The following TRPM3 variants were observed in gnomAD, a reference collection of about 807,000 sequenced individuals.
TRPM3 encodes the protein long transient receptor potential channel 3.
TRPM3 carries 77 observed loss-of-function variants against 181.2 expected under a neutral mutation model. That is an observed-to-expected ratio of 0.42 (90% CI 0.35 to 0.51). The LOEUF (loss-of-function observed/expected upper bound fraction) is 0.51, where lower values mean the gene tolerates loss of function less well. TRPM3 is among the 20% of genes least tolerant of loss of function. The pLI is 0.01. For missense variants in TRPM3, 1,759 were observed against 2,196.7 expected (o/e 0.80, Z 3.98); for synonymous variants, 745 against 796.4 (o/e 0.94, Z 1.09).
At chr9:71,136,647 C>G (rs2074783776) in intron 1 of TRPM3, among the ~76,000 whole-genome samples, 1 of 152,132 alleles carries the variant, frequency 6.6e-6, no homozygotes, top group African/African-American at 2.4e-5. Flanking sequence ...AGGTGTGTTT[C>G]TTAATCCCGG....
chr9:71,386,890 T>C (rs2092936210), intron 1 of TRPM3, among the ~76,000 whole-genome samples: 1 of 152,164 alleles, frequency 6.6e-6, no homozygotes, highest in Non-Finnish European at 1.5e-5. Context: ...CTGACAGACA[T>C]ATACACAATA....
At chr9:70,792,820 T>C (rs1277746770) in intron 6 of TRPM3, among the ~76,000 whole-genome samples, 1 of 152,158 alleles carries the variant, frequency 6.6e-6, no homozygotes, top group Non-Finnish European at 1.5e-5. Context: ...AATATTAATA[T>C]TTTAGACATT....
chr9:71,312,543 C>T (rs1193175153), intron 1 of TRPM3, among the ~76,000 whole-genome samples: 1 of 152,060 alleles, frequency 6.6e-6, no homozygotes, highest in Non-Finnish European at 1.5e-5. Context: ...GCAATTGTAC[C>T]CCTACACATT....
chr9:70,601,176 G>A (rs981810287), intron 20 of TRPM3, among the ~76,000 whole-genome samples: 2 of 152,156 alleles, frequency 1.3e-5, no homozygotes, highest in African/African-American at 4.8e-5. Flanking sequence ...CTGTGCAGTG[G>A]GACGTCATCA....
chr9:71,231,073 A>G (rs1040910303), intron 1 of TRPM3, among the ~76,000 whole-genome samples: 143 of 152,322 alleles, frequency 9.4e-4, no homozygotes, highest in African/African-American at 3.2e-3. Context: ...TTGACATACA[A>G]TATACACACA....
chr9:70,972,280 A>AAAACATTATGCTAAGTG (rs2097255456), intron 1 of TRPM3, among the ~76,000 whole-genome samples: 1 of 152,210 alleles, frequency 6.6e-6, no homozygotes, highest in Non-Finnish European at 1.5e-5. Context: ...ATGAGCCTTG[A>AAAACATTATGCTAAGTG]AAACATTATG....
Position 71,203,105 on chromosome 9 carries a change from A to G in TRPM3, c.183+243548T>C, listed in dbSNP as rs34565347. On this transcript the variant is annotated intron_variant, in intron 1 of 24. Transcript: ENST00000357533. ...TAGAAGTGTTTGGTTTGGCCAGCAT[A>G]CATTTGTAGCTGGTTCTGCTTTTCT... Among the ~76,000 whole-genome samples, 1,518 of 152,298 alleles carry G rather than the reference A, an allele frequency of 1.0e-2. 3 individuals are homozygous for G. The highest frequency in any genetic ancestry group is 0.016 in the South Asian group (79 of 4,824).
At chr9:70,986,426 A>T (rs932137451) in intron 1 of TRPM3, among the ~76,000 whole-genome samples, 3 of 152,202 alleles carry the variant, frequency 2.0e-5, no homozygotes, top group Non-Finnish European at 1.5e-5. Flanking sequence ...TACTTTAATA[A>T]ATATGCAAAC....
chr9:71,108,959 T>C (rs979041278), intron 1 of TRPM3, among the ~76,000 whole-genome samples: 5 of 152,304 alleles, frequency 3.3e-5, no homozygotes, highest in East Asian at 1.9e-4. Context: ...TTGGCAGACA[T>C]TGAGTAAAGC....
chr9:71,116,339 T>A (rs746018687), intron 1 of TRPM3, among the ~76,000 whole-genome samples: 2 of 152,200 alleles, frequency 1.3e-5, no homozygotes, highest in Non-Finnish European at 2.9e-5. Context: ...TTTGTAAAGA[T>A]TCAGAATTTT....
At chr9:70,798,215 C>T (rs762155925) in intron 6 of TRPM3, among the ~76,000 whole-genome samples, 4 of 152,182 alleles carry the variant, frequency 2.6e-5, no homozygotes, top group South Asian at 2.1e-4. Flanking sequence ...CCACCACACC[C>T]GGCTAATTTC....
intron 8 of TRPM3, among the ~76,000 whole-genome samples, chr9:70,682,990 C>T (rs2065848012): frequency 6.6e-6 from 1 of 152,156 alleles, no homozygotes; most frequent in East Asian, 1.9e-4. Flanking sequence ...AACTTCCAGT[C>T]CACCACCTAA....
intron 1 of TRPM3, among the ~76,000 whole-genome samples, chr9:70,909,100 T>C (rs1278589886): frequency 6.6e-6 from 1 of 152,176 alleles, no homozygotes; most frequent in Non-Finnish European, 1.5e-5. Context: ...AAAGATTAAT[T>C]GCAGTGCATT....
At chr9:71,005,298 TG>T (rs1271894422) in intron 1 of TRPM3, among the ~76,000 whole-genome samples, 1 of 151,868 alleles carries the variant, frequency 6.6e-6, no homozygotes, top group Non-Finnish European at 1.5e-5. Context: ...CCCAGCTACT[TG>T]GGAGGCTGAG....
At chr9:71,298,084 T>A (rs2086447264) in intron 1 of TRPM3, among the ~76,000 whole-genome samples, 1 of 148,272 alleles carries the variant, frequency 6.7e-6, no homozygotes, top group South Asian at 2.1e-4. Context: ...GCCAGTAAAC[T>A]CTGCCACCAG....
chr9:70,782,136 ATTAAGT>A (rs2082593202), intron 7 of TRPM3, among the ~76,000 whole-genome samples: 1 of 152,202 alleles, frequency 6.6e-6, no homozygotes, highest in South Asian at 2.1e-4. Context: ...TATTAAAATT[ATTAAGT>A]TTATTTCTGA....
intron 1 of TRPM3, among the ~76,000 whole-genome samples, chr9:71,352,511 A>G (rs2091699069): frequency 1.3e-5 from 2 of 152,180 alleles, no homozygotes; most frequent in Non-Finnish European, 2.9e-5. Flanking sequence ...CCAGCATTTG[A>G]CCTAGGCAGT....
intron 8 of TRPM3, among the ~76,000 whole-genome samples, chr9:70,752,624 T>G (rs1037250251): frequency 2.6e-5 from 4 of 152,186 alleles, no homozygotes; most frequent in Non-Finnish European, 5.9e-5. Flanking sequence ...TGCCATGAGA[T>G]TATAATATTG....
chr9:70,761,415 T>A (rs1002359255), intron 8 of TRPM3, 186 bp downstream of exon 8: 1 of 766,950 alleles, frequency 1.3e-6, no homozygotes, highest in Non-Finnish European at 2.3e-6. Context: ...CCTTATTAAC[T>A]CGAAGGCAGT....
Sources: allele counts gnomAD v4.1 joint callset (sites outside exome capture counted in the v4.1 genomes callset), GRCh38; gene constraint gnomAD v4.1.1; transcripts MANE v1.5; gene names NCBI Gene and HGNC (gene_info 2026-07-23, HGNC 2026-07-21).